SYT14: variants seen among roughly 807,000 people sequenced by gnomAD.
SYT14 encodes the protein synaptotagmin-14.
A neutral mutation model predicts 74.2 loss-of-function variants in SYT14; 32 were observed. The observed-to-expected ratio is 0.43, with a 90% CI of 0.33 to 0.58. SYT14 has a LOEUF of 0.58. Among genes scored for constraint, SYT14 ranks in the 20% least tolerant of loss-of-function variants. SYT14 has a pLI of 0.05. For synonymous variants in SYT14, 298 were observed against 337.7 expected (o/e 0.88, Z 1.29); for missense variants, 791 against 981.8 (o/e 0.81, Z 2.60).
At chr1:210,033,222 A>G (rs2080581402) in intron 5 of SYT14, among the ~76,000 whole-genome samples, 1 of 151,894 alleles carries the variant, frequency 6.6e-6, no homozygotes, top group African/African-American at 2.4e-5. Context: ...ATAGGGATAG[A>G]CCATGAGAGT....
At chr1:209,973,732 G>A (rs2079302455) in intron 2 of SYT14, among the ~76,000 whole-genome samples, 1 of 152,142 alleles carries the variant, frequency 6.6e-6, no homozygotes, top group African/African-American at 2.4e-5. Context: ...ACCCAGTAAT[G>A]GGATGGCTGG....
At chr1:210,170,795 TCTCATCTAAATGTGCTATAAAATA>T in exon 10 of SYT14, 1 of 152,280 alleles carries the variant, frequency 6.6e-6, no homozygotes, top group East Asian at 1.9e-4. Context: ...TTGAAAGGAA[TCTCATCTAAATGTGCTATAAAATA>T]TTACTCTCAA....
In SYT14 at chr1:210,001,377, G is replaced by A. The variant is rs72649933; in HGVS notation, c.-485-12256G>A. Among the ~76,000 whole-genome samples the A allele has an allele frequency of 0.015, 2,300 of 151,564 alleles. 171 individuals carry two copies. The East Asian group carries it at 0.24, about 16-fold the overall frequency. ...GAATTCTATCAGTTGATTTTCTAAT[G>A]TTACATTATTTTTACATAGTGGGGA... On this transcript the variant is annotated intron_variant, in intron 2 of 9. Coordinates refer to ENST00000637265, the Ensembl canonical transcript of SYT14.
intron 2 of SYT14, among the ~76,000 whole-genome samples, chr1:209,991,172 A>G (rs1359141599): frequency 6.6e-6 from 1 of 152,196 alleles, no homozygotes; most frequent in East Asian, 1.9e-4. Context: ...GAAGCTGCAA[A>G]AAGTGTAGAA....
chr1:210,034,959 A>G (rs2080626444), intron 5 of SYT14, among the ~76,000 whole-genome samples: 1 of 151,836 alleles, frequency 6.6e-6, no homozygotes, highest in African/African-American at 2.4e-5. Context: ...CTTTTTTGAT[A>G]TAATGATTTC....
At chr1:210,149,180 ATTTTT>A (rs34134939) in intron 7 of SYT14, among the ~76,000 whole-genome samples, 1 of 108,504 alleles carries the variant, frequency 9.2e-6, no homozygotes, top group Admixed American at 1.1e-4. Context: ...TATAGCAGGA[ATTTTT>A]TTTTTTTTTT....
chr1:210,010,569 A>G (rs1030804561), intron 2 of SYT14, among the ~76,000 whole-genome samples: 4 of 152,160 alleles, frequency 2.6e-5, no homozygotes, highest in Non-Finnish European at 4.4e-5. Context: ...TTTCTCAGGT[A>G]GTGCTTCTTT....
chr1:209,943,557 C>T (rs2078772831), intron 1 of SYT14, among the ~76,000 whole-genome samples: 1 of 146,728 alleles, frequency 6.8e-6, no homozygotes, highest in South Asian at 2.2e-4. Context: ...GCAGTGCATG[C>T]CAATGGGGAA....
intron 2 of SYT14, among the ~76,000 whole-genome samples, chr1:209,968,794 T>G (rs1460965379): frequency 6.6e-6 from 1 of 151,928 alleles, no homozygotes; most frequent in Admixed American, 6.6e-5. Context: ...GTTTGTTAAA[T>G]GGGTATTTTG....
chr1:209,994,057 T>C (rs1360957260), intron 2 of SYT14, among the ~76,000 whole-genome samples: 1 of 151,854 alleles, frequency 6.6e-6, no homozygotes, highest in African/African-American at 2.4e-5. Flanking sequence ...AAGATGAGAG[T>C]CAGTGCTAGA....
At chr1:210,012,363 T>C (rs970715159) in intron 2 of SYT14, among the ~76,000 whole-genome samples, 1 of 152,238 alleles carries the variant, frequency 6.6e-6, no homozygotes, top group Non-Finnish European at 1.5e-5. Flanking sequence ...TATATAACAA[T>C]GCCTGGTGTA....
chr1:210,093,064 G>T (rs1351629148), intron 5 of SYT14, among the ~76,000 whole-genome samples: 1 of 152,040 alleles, frequency 6.6e-6, no homozygotes, highest in Non-Finnish European at 1.5e-5. Flanking sequence ...ATTGAGAGAT[G>T]ACTCTGTGGT....
At chr1:210,169,938 T>A (rs1321497235) in exon 10 of SYT14, 1 of 152,022 alleles carries the variant, frequency 6.6e-6, no homozygotes, top group Non-Finnish European at 1.5e-5. Context: ...CTTCCTTCCT[T>A]CTTTCTTTCC....
chr1:210,066,747 A>G (rs926063358), intron 5 of SYT14, among the ~76,000 whole-genome samples: 2 of 151,990 alleles, frequency 1.3e-5, no homozygotes, highest in African/African-American at 2.4e-5. Flanking sequence ...CCATTTGTCA[A>G]TTTTGGCTTT....
intron 1 of SYT14, among the ~76,000 whole-genome samples, chr1:209,946,646 G>A (rs1038123613): frequency 6.6e-6 from 1 of 152,232 alleles, no homozygotes; most frequent in Non-Finnish European, 1.5e-5. Context: ...TAACATAAAA[G>A]TGTGAGGTGA....
intron 2 of SYT14, among the ~76,000 whole-genome samples, chr1:209,988,765 T>A (rs958992192): frequency 5.3e-5 from 8 of 152,322 alleles, no homozygotes; most frequent in Non-Finnish European, 8.8e-5. Flanking sequence ...GTGTAAGATT[T>A]GGCATGTCTT....
At chr1:210,119,863 C>G (rs1479593356) in intron 7 of SYT14, among the ~76,000 whole-genome samples, 1 of 152,166 alleles carries the variant, frequency 6.6e-6, no homozygotes, top group Non-Finnish European at 1.5e-5. Context: ...GGGTACTTCA[C>G]AAGGTTGTGA....
At chr1:210,115,573 C>A (rs1483154477) in intron 7 of SYT14, among the ~76,000 whole-genome samples, 1 of 150,886 alleles carries the variant, frequency 6.6e-6, no homozygotes, top group Non-Finnish European at 1.5e-5. Context: ...TCTGTCTCTA[C>A]CAGAAAAGGA....
chr1:210,161,992 T>C lies in SYT14; in HGVS notation c.*950T>C, dbSNP rs759894731. On this transcript the variant is annotated 3_prime_UTR_variant, in exon 10 of 10. Transcript: ENST00000637265. ...AAACAATTCAATTTTAATTTTCTGC[T>C]CTGAGTATTTAGTAACCAACACTGC... The C allele has an allele frequency of 4.2e-5, 19 of 453,822 alleles. No homozygotes were observed. The East Asian group carries it at 1.0e-3, about 25-fold the overall frequency. The allele number at this position is 453,822 out of a possible 1,614,324, so 28.1% of individuals were successfully genotyped here. A position where few individuals can be genotyped will look rare whatever the true frequency, so the allele number is the denominator to read the frequency against.
Sources: allele counts gnomAD v4.1 joint callset (sites outside exome capture counted in the v4.1 genomes callset), GRCh38; gene constraint gnomAD v4.1.1; transcripts MANE v1.5; gene names NCBI Gene and HGNC (gene_info 2026-07-23, HGNC 2026-07-21).